NAA35: variants seen among roughly 807,000 people sequenced by gnomAD.
NAA35 encodes N-alpha-acetyltransferase 35, NatC auxiliary subunit, also known as MAK10 homolog, amino-acid N-acetyltransferase subunit.
A neutral mutation model predicts 101.7 loss-of-function variants in NAA35; 18 were observed. The observed-to-expected ratio is 0.18, with a 90% confidence interval of 0.12 to 0.26. The LOEUF (loss-of-function observed/expected upper bound fraction) is 0.26. NAA35 is among the 10% of genes least tolerant of loss of function. NAA35 has a pLI of 1.00. For missense variants in NAA35, 601 were observed against 886.8 expected (o/e 0.68, Z 4.09); for synonymous variants, 267 against 273.1 (o/e 0.98, Z 0.22).
intron 11 of NAA35, among the ~76,000 whole-genome samples, chr9:85,994,770 A>G (rs769231111): frequency 3.3e-5 from 5 of 152,200 alleles, no homozygotes. Context: ...AAGTTGGTTA[A>G]TGGGTGCAAA....
intron 5 of NAA35, among the ~76,000 whole-genome samples, 186 bp downstream of exon 5, chr9:85,960,053 C>T (rs1358005986): frequency 6.6e-6 from 1 of 152,148 alleles, no homozygotes; most frequent in African/African-American, 2.4e-5. Context: ...ATTTTACATT[C>T]TAATTTTCTG....
In NAA35 at chr9:86,022,522, C is replaced by G. The variant is rs1251890936; in HGVS notation, c.*562C>G. Among the ~76,000 whole-genome samples the G allele has an allele frequency of 1.2e-4, 18 of 152,058 alleles. No homozygotes were observed. The highest frequency in any genetic ancestry group is 1.2e-3 in the Admixed American group (18 of 15,272). The stretch of plus-strand genomic sequence containing the variant: ...AAATTGTGATTTTTATGTGTCATGA[C>G]ATCACAAATTATATATCTGTAAGAA... On this transcript the variant is annotated 3_prime_UTR_variant, in exon 23 of 23. Transcript: ENST00000361671.
At chr9:85,985,756 CATT>C (rs1830622238) in intron 11 of NAA35, among the ~76,000 whole-genome samples, 2 of 152,074 alleles carry the variant, frequency 1.3e-5, no homozygotes, top group Admixed American at 6.6e-5. Context: ...AATTATATCT[CATT>C]AGAATTGTGA....
chr9:86,022,332 G>A lies in NAA35; in HGVS notation c.*372G>A, dbSNP rs1197707889. ...TGGAGATGAAAAACAGTAGGTCTTT[G>A]TCCATGTTAAGAACTGAAGAAGGTG... On this transcript the variant is annotated 3_prime_UTR_variant, in exon 23 of 23. Transcript: ENST00000361671. The A allele has an allele frequency of 6.1e-6, 1 of 162,808 alleles. No homozygotes were observed. Among genetic ancestry groups the A allele is most frequent in the African/African-American group, 2.4e-5 (1 of 41,562 alleles). The allele number at this position is 162,808 out of a possible 1,614,324, so 10.1% of individuals were successfully genotyped here. A position where few individuals can be genotyped will look rare whatever the true frequency, so the allele number is the denominator to read the frequency against.
intron 11 of NAA35, among the ~76,000 whole-genome samples, chr9:85,991,481 G>T (rs1047921318): frequency 7.2e-5 from 11 of 152,038 alleles, no homozygotes; most frequent in African/African-American, 2.7e-4. Context: ...TGTCCAGGAG[G>T]ACTGGATGGC....
intron 14 of NAA35, among the ~76,000 whole-genome samples, chr9:86,008,024 C>T (rs1249352213): frequency 2.0e-4 from 30 of 152,178 alleles, no homozygotes; most frequent in Non-Finnish European, 2.2e-4. Flanking sequence ...TATCTTTTAT[C>T]CAAAATGCCC....
chr9:86,004,883 A>G (rs1831564709), intron 13 of NAA35, among the ~76,000 whole-genome samples: 1 of 152,228 alleles, frequency 6.6e-6, no homozygotes, highest in South Asian at 2.1e-4. Flanking sequence ...TCTCTTATCT[A>G]TTAAATAAAT....
intron 12 of NAA35, 40 bp downstream of exon 12, chr9:85,996,617 A>C: frequency 7.3e-7 from 1 of 1,375,020 alleles, no homozygotes; most frequent in South Asian, 1.5e-5. Context: ...ACTTCCATTT[A>C]AAAAAAATTG....
At chr9:85,976,617 T>A in intron 8 of NAA35, 68 bp from the exon 9 acceptor site, 1 of 1,208,174 alleles carries the variant, frequency 8.3e-7, no homozygotes, top group South Asian at 1.5e-5. Flanking sequence ...ATCAGTGTTT[T>A]TCCTTATGTA....
intron 12 of NAA35, among the ~76,000 whole-genome samples, chr9:86,003,131 C>T (rs1433831971): frequency 6.6e-5 from 10 of 152,140 alleles, no homozygotes; most frequent in Admixed American, 6.5e-4. Context: ...GGTGTTGAAG[C>T]TTTGGTGACA....
At chr9:86,009,769 T>G (rs887386591) in intron 14 of NAA35, 96 bp from the exon 15 acceptor site, 3 of 844,606 alleles carry the variant, frequency 3.6e-6, no homozygotes, top group Non-Finnish European at 5.8e-6. Flanking sequence ...TTTTCTCTTT[T>G]ATTCACCTTC....
At chr9:85,973,678 C>T (rs527892605) in intron 6 of NAA35, among the ~76,000 whole-genome samples, 84 of 151,828 alleles carry the variant, frequency 5.5e-4, no homozygotes, top group Non-Finnish European at 9.9e-4. Flanking sequence ...ATTTGAGAAT[C>T]CTGTTTGATG....
chr9:86,009,350 G>T (rs1453669028), intron 14 of NAA35, among the ~76,000 whole-genome samples: 1 of 152,086 alleles, frequency 6.6e-6, no homozygotes, highest in Non-Finnish European at 1.5e-5. Context: ...GTGTGACCTT[G>T]ACTCTGTTAA....
At chr9:85,943,007 A>G (rs1158114275) in intron 2 of NAA35, among the ~76,000 whole-genome samples, 1 of 152,164 alleles carries the variant, frequency 6.6e-6, no homozygotes, top group Non-Finnish European at 1.5e-5. Flanking sequence ...AGAAGCCATA[A>G]TTGTCAATTA....
chr9:85,953,747 CTACTT>C (rs1239834311), intron 2 of NAA35, among the ~76,000 whole-genome samples: 3 of 152,028 alleles, frequency 2.0e-5, no homozygotes, highest in Non-Finnish European at 4.4e-5. Flanking sequence ...TTATTATTGA[CTACTT>C]TAAGTATTTC....
At chr9:85,984,040 A>G (rs1177668051) in intron 11 of NAA35, among the ~76,000 whole-genome samples, 2 of 151,902 alleles carry the variant, frequency 1.3e-5, no homozygotes, top group Non-Finnish European at 2.9e-5. Flanking sequence ...AAAAAAAAAA[A>G]AATCACTGGA....
intron 12 of NAA35, among the ~76,000 whole-genome samples, chr9:85,997,835 A>G (rs1831233695): frequency 6.6e-6 from 1 of 152,208 alleles, no homozygotes; most frequent in South Asian, 2.1e-4. Context: ...TCTTCAAAAC[A>G]TATAAATGTG....
chr9:85,966,590 T>G, intron 6 of NAA35: 1 of 1,234,398 alleles, frequency 8.1e-7, no homozygotes, highest in Non-Finnish European at 1.1e-6. Flanking sequence ...CACCTCTTGA[T>G]CTCAGATTTC....
rs1832336849 is a variant in NAA35 at position 86,018,354 on chromosome 9, A to C, written c.1873A>C (p.Ser625Arg). The change falls in exon 20 of 23, where the codon AGT becomes CGT. Residue 625 changes from serine (S) to arginine (R), a missense_variant. Physicochemically the swap from Ser to Arg is moderately radical, Grantham distance 110 (BLOSUM62 -1). Around this residue, in one of 8 missense-constraint regions of NAA35, gnomAD observed 90 missense variants for 108.7 expected, o/e 0.83. Coordinates refer to ENST00000361671, the MANE Select transcript of NAA35 (RefSeq NM_024635.4). Reference sequence around the variant, plus strand: ...TGAACACAGGTTTGCTCCATTCAACAGTGTGATGACCCCGCCGCCAGTGCA... The same window carrying C: ...TGAACACAGGTTTGCTCCATTCAACCGTGTGATGACCCCGCCGCCAGTGCA... ...RYEHRFAPFN[S>R]VMTPPPVHYL... 3 of 1,613,834 alleles carry C rather than the reference A, an allele frequency of 1.9e-6. No individual in the cohort carries two copies. Among genetic ancestry groups the C allele is most frequent in the African/African-American group, 1.3e-5 (1 of 74,920 alleles).
Sources: gnomAD v4.1 joint callset for allele counts (sites outside exome capture counted in the v4.1 genomes callset) on GRCh38, gnomAD v4.1.1 for gene constraint, gnomAD v4.1.1 regional missense constraint, MANE v1.5 for transcripts, NCBI Gene and HGNC (gene_info 2026-07-23, HGNC 2026-07-21) for gene names.